Variants in MCPH1 observed in about 807,000 individuals in gnomAD.
MCPH1 encodes the protein microcephalin 1.
A neutral mutation model predicts 84.5 loss-of-function variants in MCPH1; 104 were observed. The observed-to-expected ratio is 1.23, with a 90% confidence interval of 1.05 to 1.45. The LOEUF (loss-of-function observed/expected upper bound fraction) is 1.45. MCPH1 is among the 40% of genes most tolerant of loss of function. The probability of loss-of-function intolerance (pLI) is 0.00; values close to 1 mark genes in which losing one functional copy is unlikely to be tolerated. For synonymous variants in MCPH1, 514 were observed against 366.8 expected (o/e 1.40, Z -4.58); for missense variants, 1,498 against 1,005.7 (o/e 1.49, Z -6.62).
chr8:6,568,075 C>T lies in MCPH1; in HGVS notation c.2215-53379C>T, dbSNP rs568322654. Among the ~76,000 whole-genome samples, 3 of 152,272 alleles carry T rather than the reference C, an allele frequency of 2.0e-5. No homozygotes were observed. In the South Asian group the frequency reaches 6.2e-4, roughly 32 times the overall value. On this transcript the variant is annotated intron_variant, in intron 12 of 13. Coordinates refer to ENST00000344683, the MANE Select transcript of MCPH1 (RefSeq NM_024596.5). ...CTCAAGTTCTTATTACCCTGGTTGA[C>T]GACACCAGAAAAACCATAGCTACCT...
At chr8:6,501,778 A>C (rs1382980111) in intron 12 of MCPH1, 1 of 152,018 alleles carries the variant, frequency 6.6e-6, no homozygotes, top group Admixed American at 6.6e-5. Flanking sequence ...GCTGGTCTTG[A>C]ACTCCTGACC....
chr8:6,563,576 T>G (rs1408108182), intron 12 of MCPH1, among the ~76,000 whole-genome samples: 1 of 152,218 alleles, frequency 6.6e-6, no homozygotes, highest in Non-Finnish European at 1.5e-5. Flanking sequence ...AGGTAATAAC[T>G]TTAATGTTGA....
rs536518501 is a variant in MCPH1, at chr8:6,516,417, A to G, written c.2214+16488A>G. Among the ~76,000 whole-genome samples, 45 of 152,340 alleles carry G rather than the reference A, an allele frequency of 3.0e-4. 1 individual carries two copies. Among genetic ancestry groups the G allele is most frequent in the African/African-American group, 6.7e-4 (28 of 41,588 alleles). ...CTTCTAAGTGATATATAGGATTTGA[A>G]TAAGGTCTCTTTGATTCCTGTTATG... On this transcript the variant is annotated intron_variant, in intron 12 of 13. Coordinates refer to ENST00000344683, the MANE Select transcript of MCPH1 (RefSeq NM_024596.5).
At chr8:6,509,276 C>G (rs1814446784) in intron 12 of MCPH1, among the ~76,000 whole-genome samples, 1 of 152,110 alleles carries the variant, frequency 6.6e-6, no homozygotes, top group South Asian at 2.1e-4. Flanking sequence ...TTCATGAAAC[C>G]TTCAACACAT....
At chr8:6,625,464 C>T (rs894435367) in intron 13 of MCPH1, 8 of 985,044 alleles carry the variant, frequency 8.1e-6, no homozygotes, top group East Asian at 1.1e-4. Context: ...CTCAAAATAT[C>T]GCAATATTGA....
At chr8:6,642,328 G>C (rs887686075) in intron 13 of MCPH1, among the ~76,000 whole-genome samples, 6 of 152,092 alleles carry the variant, frequency 3.9e-5, no homozygotes, top group African/African-American at 1.4e-4. Context: ...AGAGGGAGGG[G>C]TTGTTTCCGC....
intron 12 of MCPH1, among the ~76,000 whole-genome samples, chr8:6,512,898 C>CT (rs1815461728): frequency 6.6e-6 from 1 of 152,230 alleles, no homozygotes; most frequent in Non-Finnish European, 1.5e-5. Flanking sequence ...CCACCTAACT[C>CT]TGCCATCTCT....
chr8:6,578,706 G>C (rs755047653), intron 12 of MCPH1, among the ~76,000 whole-genome samples: 2 of 152,210 alleles, frequency 1.3e-5, no homozygotes, highest in Non-Finnish European at 2.9e-5. Flanking sequence ...CAAGCTCTCA[G>C]TGACAAACAC....
intron 13 of MCPH1, among the ~76,000 whole-genome samples, chr8:6,633,144 T>G (rs2912065): frequency 0.51 from 77,589 of 151,916 alleles, 20,323 homozygotes; most frequent in East Asian, 0.73. Context: ...GCTTAAATCA[T>G]GTACAAGACA....
intron 4 of MCPH1, among the ~76,000 whole-genome samples, chr8:6,433,622 C>T (rs1343893062): frequency 2.6e-5 from 3 of 115,786 alleles, no homozygotes; most frequent in South Asian, 3.0e-4. Context: ...GACAGCAAGG[C>T]TCTGTCTCAA....
intron 12 of MCPH1, among the ~76,000 whole-genome samples, chr8:6,518,304 T>C (rs962917921): frequency 6.6e-6 from 1 of 152,168 alleles, no homozygotes; most frequent in African/African-American, 2.4e-5. Flanking sequence ...TGCACAGAAT[T>C]GTCATGAAAA....
At chr8:6,425,399 A>G (rs2979645) in intron 3 of MCPH1, among the ~76,000 whole-genome samples, 2,688 of 152,298 alleles carry the variant, frequency 0.018, 82 homozygotes, top group African/African-American at 0.06. Flanking sequence ...CCTGGTAAAC[A>G]TGGGTTTCAG....
At chr8:6,642,807 G>A in intron 13 of MCPH1, 187 bp from the exon 14 acceptor site, 1 of 655,758 alleles carries the variant, frequency 1.5e-6, no homozygotes, top group East Asian at 2.8e-5. Context: ...ATGTTTCATT[G>A]TATTGAATTT....
At chr8:6,492,162 C>G (rs781332105) in intron 11 of MCPH1, among the ~76,000 whole-genome samples, 1 of 152,124 alleles carries the variant, frequency 6.6e-6, no homozygotes, top group Admixed American at 6.5e-5. Context: ...TTTTAATGAT[C>G]GCCATTCTAA....
intron 13 of MCPH1, chr8:6,626,474 G>GTTTTTTTTTT (rs71213328): frequency 2.4e-5 from 22 of 925,330 alleles, no homozygotes; most frequent in African/African-American, 8.7e-5. Flanking sequence ...TTTTTGTTTT[G>GTTTTTTTTTT]TTTTTTTTTT....
chr8:6,425,843 G>A (rs1268866250), intron 3 of MCPH1, among the ~76,000 whole-genome samples: 2 of 152,128 alleles, frequency 1.3e-5, no homozygotes, highest in African/African-American at 4.8e-5. Context: ...GGTGACCTTT[G>A]TCCTGATGAT....
intron 11 of MCPH1, among the ~76,000 whole-genome samples, chr8:6,482,718 G>A (rs1156689433): frequency 6.6e-6 from 1 of 152,188 alleles, no homozygotes; most frequent in Non-Finnish European, 1.5e-5. Flanking sequence ...TCAGTGTTCT[G>A]CTAGTACTCC....
chr8:6,556,561 G>C (rs181960296), intron 12 of MCPH1, among the ~76,000 whole-genome samples: 103 of 152,108 alleles, frequency 6.8e-4, no homozygotes, highest in Middle Eastern at 6.8e-3. Context: ...TACACTACAC[G>C]TTCTGACCAA....
intron 13 of MCPH1, among the ~76,000 whole-genome samples, chr8:6,638,638 T>C (rs1797726215): frequency 6.6e-6 from 1 of 152,056 alleles, no homozygotes; most frequent in South Asian, 2.1e-4. Context: ...TCAAGGGCAG[T>C]TCAGCTTCCT....
Sources: gnomAD v4.1 joint callset for allele counts (sites outside exome capture counted in the v4.1 genomes callset) on GRCh38, gnomAD v4.1.1 for gene constraint, MANE v1.5 for transcripts, NCBI Gene and HGNC (gene_info 2026-07-23, HGNC 2026-07-21) for gene names.